The following CPS1 variants were observed in gnomAD, a reference collection of about 807,000 sequenced individuals.
The protein encoded by CPS1 is carbamoyl-phosphate synthase [ammonia], mitochondrial.
In CPS1, 109 loss-of-function variants were observed where a neutral mutation model predicts 174.6. The observed-to-expected ratio is 0.62, with a 90% confidence interval of 0.53 to 0.73. The LOEUF is 0.73. Among genes scored for constraint, CPS1 ranks in the 30% least tolerant of loss-of-function variants. The pLI is 0.00. For synonymous variants in CPS1, 637 were observed against 632.0 expected, an observed-to-expected ratio of 1.01 and a Z score of -0.12; for missense variants, 1,689 against 1,821.9, an observed-to-expected ratio of 0.93 and a Z score of 1.33.
intron 4 of CPS1, 63 bp downstream of exon 4, chr2:210,577,573 C>A: frequency 8.5e-7 from 1 of 1,173,850 alleles, no homozygotes; most frequent in Non-Finnish European, 1.3e-6. Flanking sequence ...CCTGTAGATT[C>A]AGAAGTGCCA....
Position 210,600,675 on chromosome 2 carries a change from T to A in CPS1, c.1670T>A (p.Ile557Asn). ...CTGTTTTCAGATAAACTAAATGAGA[T>A]CAATGAAAAGATTGCTCCAAGTTTT... ...RQLFSDKLNE[I>N]NEKIAPSFAV... The change falls in exon 15 of 38, where the codon ATC becomes AAC. Residue 557 changes from isoleucine to asparagine, a missense_variant. Transcript: ENST00000233072. 6.2e-7 allele frequency: 1 copy of A among 1,612,112 alleles called. No individual in the cohort carries two copies. The highest frequency in any genetic ancestry group is 8.5e-7 in the Non-Finnish European group (1 of 1,178,746).
rs1445838216 is a variant in CPS1, at chr2:210,642,611, AC to A, written c.3088del (p.Leu1030CysfsTer12). The A allele has an allele frequency of 6.2e-7, 1 of 1,614,006 alleles. No individual in the cohort carries two copies. The highest frequency in any genetic ancestry group is 8.5e-7 in the Non-Finnish European group (1 of 1,180,002). On this transcript the variant is annotated frameshift_variant, in exon 25 of 38. Transcript: ENST00000233072. LOFTEE classifies it high-confidence loss of function. ...GCACAGACTTTGATGAGTGTGACAA[AC>A]TGTACTTTGAAGAGTTGTCCTTGGA... ...VSTDFDECDKLYFEELSLERI... is the reference protein window; with the variant it reads ...VSTDFDECDKXYFEELSLERI...
chr2:210,497,803 C>G (rs922756861), intron 1 of CPS1, among the ~76,000 whole-genome samples: 4 of 149,972 alleles, frequency 2.7e-5, no homozygotes, highest in Non-Finnish European at 3.0e-5. Context: ...TTAAAGGCAC[C>G]TAGGTTGATT....
At chr2:210,570,711 A>G (rs1170986657) in intron 1 of CPS1, among the ~76,000 whole-genome samples, 1 of 151,554 alleles carries the variant, frequency 6.6e-6, no homozygotes, top group Non-Finnish European at 1.5e-5. Flanking sequence ...TTCATTTTGT[A>G]AAAGCATGGA....
At chr2:210,490,246 G>A (rs1232205240) in intron 1 of CPS1, among the ~76,000 whole-genome samples, 4 of 152,094 alleles carry the variant, frequency 2.6e-5, no homozygotes, top group Non-Finnish European at 4.4e-5. Flanking sequence ...GGAAAATTAT[G>A]GGGAGATATA....
intron 20 of CPS1, among the ~76,000 whole-genome samples, chr2:210,613,645 C>G (rs888790863): frequency 6.6e-6 from 1 of 151,748 alleles, no homozygotes; most frequent in Non-Finnish European, 1.5e-5. Flanking sequence ...GTCTAGCAAT[C>G]ATGTTTCTGC....
intron 1 of CPS1, chr2:210,519,844 T>C: frequency 1.0e-6 from 1 of 957,416 alleles, no homozygotes. Context: ...AATGAAAAAA[T>C]GGCTTTGTTC....
intron 20 of CPS1, 117 bp downstream of exon 20, chr2:210,612,410 T>G: frequency 1.0e-6 from 1 of 975,014 alleles, no homozygotes; most frequent in Non-Finnish European, 1.6e-6. Flanking sequence ...TTTGGAAAAT[T>G]TTTAATTCTT....
intron 1 of CPS1, among the ~76,000 whole-genome samples, chr2:210,489,791 G>T (rs1179026445): frequency 2.0e-5 from 3 of 152,104 alleles, no homozygotes; most frequent in Non-Finnish European, 2.9e-5. Context: ...GAGGTCAGGA[G>T]ATCGAGACCA....
chr2:210,623,426 G>GTT (rs59083580), intron 21 of CPS1, among the ~76,000 whole-genome samples: 2 of 149,632 alleles, frequency 1.3e-5, no homozygotes, highest in African/African-American at 4.9e-5. Flanking sequence ...GTTTCATGTG[G>GTT]TTTTTTTTTG....
At chr2:210,640,884 C>A (rs1700201464) in intron 24 of CPS1, among the ~76,000 whole-genome samples, 1 of 152,100 alleles carries the variant, frequency 6.6e-6, no homozygotes, top group Non-Finnish European at 1.5e-5. Context: ...TGTCTTAGTC[C>A]ATTTGTGCTG....
At chr2:210,629,194 G>C (rs1699785986) in intron 21 of CPS1, among the ~76,000 whole-genome samples, 1 of 152,148 alleles carries the variant, frequency 6.6e-6, no homozygotes, top group South Asian at 2.1e-4. Flanking sequence ...ACATTGAATA[G>C]ATTTAAAATT....
At chr2:210,604,763 T>G (rs1389494134) in intron 16 of CPS1, among the ~76,000 whole-genome samples, 2 of 151,966 alleles carry the variant, frequency 1.3e-5, no homozygotes, top group East Asian at 3.9e-4. Context: ...TATCACATTT[T>G]CTGGTTTCAC....
intron 1 of CPS1, among the ~76,000 whole-genome samples, chr2:210,488,039 G>A (rs758699905): frequency 2.6e-4 from 40 of 152,126 alleles, no homozygotes; most frequent in Non-Finnish European, 5.0e-4. Flanking sequence ...GGTCTGTGCT[G>A]GGGACCTGTG....
intron 5 of CPS1, among the ~76,000 whole-genome samples, chr2:210,580,604 G>A (rs556916048): frequency 2.6e-4 from 40 of 152,096 alleles, no homozygotes; most frequent in Non-Finnish European, 4.9e-4. Flanking sequence ...GGTCATGCCT[G>A]TAATCCCAGC....
chr2:210,585,868 C>T (rs1481704735), intron 6 of CPS1, among the ~76,000 whole-genome samples: 3 of 151,540 alleles, frequency 2.0e-5, no homozygotes, highest in Admixed American at 6.6e-5. Flanking sequence ...GTATCCTACC[C>T]GCTCCTGTGA....
At chr2:210,556,411 A>G, upstream of CPS1, 1 of 533,926 alleles carries the variant, frequency 1.9e-6, no homozygotes, top group Non-Finnish European at 3.5e-6. Flanking sequence ...CTGCATAAAC[A>G]ATTCCTTTGA....
At position 210,666,148 on chromosome 2, in the gene CPS1, C is replaced by A. The variant is rs1305353151; in HGVS notation, c.4003-2038C>A. On this transcript the variant is annotated intron_variant, in intron 33 of 37. Coordinates refer to ENST00000233072, the MANE Select transcript of CPS1 (RefSeq NM_001875.5). Reference sequence around the variant, plus strand: ...TCTTTTGAGAAGTGTCTGTTCATATCCTTTGCTCACTTTTTGATGGGGTTG... The same window carrying A: ...TCTTTTGAGAAGTGTCTGTTCATATACTTTGCTCACTTTTTGATGGGGTTG... 2.0e-5 allele frequency among the ~76,000 whole-genome samples: 3 copies of A among 151,868 alleles called. No individual in the cohort carries two copies. In the East Asian group the frequency reaches 5.8e-4, roughly 29 times the overall value.
At chr2:210,668,152 C>T (rs765669787) in intron 33 of CPS1, 34 bp from the exon 34 acceptor site, 19 of 1,475,214 alleles carry the variant, frequency 1.3e-5, no homozygotes, top group Non-Finnish European at 1.6e-5. Context: ...TTCTTTGCAT[C>T]CTCTATTTTA....
Sources: allele counts gnomAD v4.1 joint callset (sites outside exome capture counted in the v4.1 genomes callset), GRCh38; gene constraint gnomAD v4.1.1; transcripts MANE v1.5; gene names NCBI Gene and HGNC (gene_info 2026-07-23, HGNC 2026-07-21).